ZNF385D: variants seen among roughly 807,000 people sequenced by gnomAD.
The protein encoded by ZNF385D is zinc finger protein 659.
A neutral mutation model predicts 35.8 loss-of-function variants in ZNF385D; 15 were observed. The ratio of observed to expected loss-of-function variants is 0.42; its 90% CI spans 0.28 to 0.64. ZNF385D has a LOEUF of 0.64. ZNF385D is among the 30% of genes least tolerant of loss of function. The probability of loss-of-function intolerance (pLI) is 0.23; values close to 1 mark genes in which losing one functional copy is unlikely to be tolerated. For missense variants in ZNF385D, 474 were observed against 494.6 expected (o/e 0.96, Z 0.39); for synonymous variants, 212 against 186.8 (o/e 1.13, Z -1.10).
At chr3:22,028,540 C>T (rs1009120279) in intron 3 of ZNF385D, among the ~76,000 whole-genome samples, 3 of 152,168 alleles carry the variant, frequency 2.0e-5, no homozygotes, top group Admixed American at 1.3e-4. Context: ...TTGATTATTT[C>T]GGACCTCTTC....
At chr3:21,596,176 C>T (rs1476582677) in intron 2 of ZNF385D, among the ~76,000 whole-genome samples, 1 of 152,128 alleles carries the variant, frequency 6.6e-6, no homozygotes, top group East Asian at 1.9e-4. Flanking sequence ...AGTTTGTCAG[C>T]CAACTCTGAA....
At chr3:21,494,520 A>C (rs1705674058) in intron 4 of ZNF385D, among the ~76,000 whole-genome samples, 1 of 152,132 alleles carries the variant, frequency 6.6e-6, no homozygotes, top group African/African-American at 2.4e-5. Flanking sequence ...TTTGCTGCCT[A>C]ACAGGAGACA....
At chr3:21,784,924 T>A (rs1434702651) in intron 3 of ZNF385D, among the ~76,000 whole-genome samples, 2 of 152,286 alleles carry the variant, frequency 1.3e-5, no homozygotes, top group African/African-American at 2.4e-5. Flanking sequence ...TTAATTTTTT[T>A]AAATGTTGCA....
chr3:22,009,329 A>T (rs1696420549), intron 3 of ZNF385D, among the ~76,000 whole-genome samples: 1 of 152,030 alleles, frequency 6.6e-6, no homozygotes, highest in Non-Finnish European at 1.5e-5. Context: ...AATATTTTTT[A>T]AAAAATAGAT....
At chr3:21,538,284 TG>T (rs1410037474) in intron 3 of ZNF385D, among the ~76,000 whole-genome samples, 5 of 152,010 alleles carry the variant, frequency 3.3e-5, no homozygotes, top group African/African-American at 1.2e-4. Context: ...GATACAAATA[TG>T]GGGGTCATCT....
intron 2 of ZNF385D, among the ~76,000 whole-genome samples, chr3:22,294,527 G>C (rs1000006494): frequency 1.3e-5 from 2 of 151,968 alleles, no homozygotes; most frequent in Admixed American, 1.3e-4. Context: ...ATTTCCTTAA[G>C]ATGATAATGA....
intron 2 of ZNF385D, among the ~76,000 whole-genome samples, chr3:22,274,651 T>C (rs1235293377): frequency 2.4e-5 from 3 of 125,144 alleles, no homozygotes; most frequent in Non-Finnish European, 4.8e-5. Flanking sequence ...TTTCTATTTG[T>C]TCATTTTAGT....
At chr3:22,096,517 G>A (rs779169) in intron 3 of ZNF385D, among the ~76,000 whole-genome samples, 95,193 of 151,812 alleles carry the variant, frequency 0.63, 30,768 homozygotes, top group Non-Finnish European at 0.7. Context: ...TCATCAGAGA[G>A]TAATGCTGAC....
intron 3 of ZNF385D, among the ~76,000 whole-genome samples, chr3:21,893,934 T>C (rs1575854570): frequency 6.6e-6 from 1 of 152,316 alleles, no homozygotes; most frequent in Non-Finnish European, 1.5e-5. Flanking sequence ...TATAGCTCAA[T>C]TTAAACATAA....
At chr3:21,548,464 A>G (rs2062456426) in intron 3 of ZNF385D, among the ~76,000 whole-genome samples, 1 of 152,136 alleles carries the variant, frequency 6.6e-6, no homozygotes, top group Non-Finnish European at 1.5e-5. Flanking sequence ...TTGCTTCACT[A>G]CTGCATTTTA....
chr3:21,804,018 G>T (rs1276773389), intron 3 of ZNF385D, among the ~76,000 whole-genome samples: 1 of 152,026 alleles, frequency 6.6e-6, no homozygotes, highest in Non-Finnish European at 1.5e-5. Flanking sequence ...ACCTTTGCTG[G>T]GAAATTATCT....
In ZNF385D at chr3:21,436,999, G is replaced by A. The variant is rs1341253900; in HGVS notation, c.644C>T (p.Ser215Phe). 6.2e-7 allele frequency: 1 copy of A among 1,613,950 alleles called. No homozygotes were observed. The highest frequency in any genetic ancestry group is 8.5e-7 in the Non-Finnish European group (1 of 1,179,866). Residue 215 changes from serine (S) to phenylalanine (F), a missense_variant, in exon 5 of 8, where the codon TCT becomes TTT. By Grantham distance (155) the Ser-to-Phe change is radical. Coordinates refer to ENST00000281523, the MANE Select transcript of ZNF385D (RefSeq NM_024697.3). The part of the protein sequence containing the change: ...YCSLCKVAVN[S>F]ASQLEAHNSG... ...GTTGTGCGCCTCCAGCTGCGAGGCA[G>A]AGTTGACAGCAACCTTGCATAGCGA...
intron 1 of ZNF385D, among the ~76,000 whole-genome samples, chr3:21,714,346 C>T (rs538346813): frequency 1.3e-5 from 2 of 152,228 alleles, no homozygotes; most frequent in East Asian, 3.9e-4. Flanking sequence ...CATGAAACCT[C>T]CAACACCTCT....
At chr3:21,678,015 A>G (rs1476181509) in intron 1 of ZNF385D, among the ~76,000 whole-genome samples, 4 of 152,050 alleles carry the variant, frequency 2.6e-5, no homozygotes, top group African/African-American at 9.7e-5. Context: ...CATCAATTAT[A>G]TTTCCAGTTG....
chr3:21,778,561 C>T (rs746874847), intron 3 of ZNF385D, among the ~76,000 whole-genome samples: 3 of 151,648 alleles, frequency 2.0e-5, no homozygotes, highest in Non-Finnish European at 2.9e-5. Flanking sequence ...GCATGGTTCG[C>T]GAAAAACAAA....
intron 2 of ZNF385D, among the ~76,000 whole-genome samples, chr3:22,310,668 T>C: frequency 6.6e-6 from 1 of 152,040 alleles, no homozygotes; most frequent in Middle Eastern, 3.4e-3. Flanking sequence ...CTTTTATCAG[T>C]TCTCTTTCTT....
At chr3:21,475,010 G>A (rs1300010463) in intron 4 of ZNF385D, among the ~76,000 whole-genome samples, 10 of 151,794 alleles carry the variant, frequency 6.6e-5, no homozygotes, top group Non-Finnish European at 4.4e-5. Flanking sequence ...CCCCTGACAT[G>A]TTATATATTT....
At chr3:22,367,116 A>T (rs1190789713) in intron 2 of ZNF385D, among the ~76,000 whole-genome samples, 1 of 152,184 alleles carries the variant, frequency 6.6e-6, no homozygotes, top group Non-Finnish European at 1.5e-5. Context: ...ATAGAAAACT[A>T]ATATATGATG....
In ZNF385D at chr3:21,415,599, G is replaced by C. The variant is rs756356781; in HGVS notation, c.*5615C>G. ...CTCATATTTTTACAATTCTGTATGT[G>C]TGTGCGTATATAAGCATTAACCTTA... On this transcript the variant is annotated 3_prime_UTR_variant, in exon 8 of 8. Coordinates refer to ENST00000281523, the MANE Select transcript of ZNF385D (RefSeq NM_024697.3). The C allele has an allele frequency of 1.3e-5, 2 of 152,064 alleles. No homozygotes were observed. Among genetic ancestry groups the C allele is most frequent in the Non-Finnish European group, 2.9e-5 (2 of 67,990 alleles). The allele number at this position is 152,064 out of a possible 1,614,324, so 9.4% of individuals were successfully genotyped here.
Sources: allele counts gnomAD v4.1 joint callset (sites outside exome capture counted in the v4.1 genomes callset), GRCh38; gene constraint gnomAD v4.1.1; transcripts MANE v1.5; gene names NCBI Gene and HGNC (gene_info 2026-07-23, HGNC 2026-07-21).